PCCA: variants seen among roughly 807,000 people sequenced by gnomAD.
The protein encoded by PCCA is propionyl-CoA carboxylase alpha chain, mitochondrial.
In PCCA, 74 loss-of-function variants were observed where a neutral mutation model predicts 101.3. The ratio of observed to expected loss-of-function variants is 0.73; its 90% CI spans 0.61 to 0.89. PCCA has a LOEUF of 0.89. PCCA is among the 40% of genes least tolerant of loss of function. The pLI, the probability that PCCA is intolerant of heterozygous loss-of-function variation, is 0.00. For synonymous variants in PCCA, 294 were observed against 313.6 expected (o/e 0.94, Z 0.66); for missense variants, 891 against 907.0 (o/e 0.98, Z 0.23).
intron 12 of PCCA, among the ~76,000 whole-genome samples, chr13:100,298,236 A>G (rs1459258959): frequency 6.6e-6 from 1 of 152,168 alleles, no homozygotes; most frequent in Admixed American, 6.5e-5. Flanking sequence ...TGTTTCCAAA[A>G]GTGTGTTCCA....
intron 6 of PCCA, among the ~76,000 whole-genome samples, chr13:100,167,052 T>C (rs746893587): frequency 8.5e-5 from 13 of 152,180 alleles, no homozygotes; most frequent in Non-Finnish European, 1.5e-4. Flanking sequence ...TTAAATTGAG[T>C]TGCTTGTCTT....
chr13:100,358,690 A>G (rs2074208761), intron 18 of PCCA, among the ~76,000 whole-genome samples: 1 of 152,254 alleles, frequency 6.6e-6, no homozygotes, highest in African/African-American at 2.4e-5. Flanking sequence ...TGTTTAAAAA[A>G]TTGAAGAGAC....
intron 21 of PCCA, among the ~76,000 whole-genome samples, chr13:100,481,819 C>T (rs564022155): frequency 6.6e-5 from 10 of 152,178 alleles, no homozygotes; most frequent in Admixed American, 5.9e-4. Flanking sequence ...CATGGTTGAC[C>T]ACAGGTAAAT....
intron 19 of PCCA, among the ~76,000 whole-genome samples, chr13:100,405,682 C>A (rs1431181062): frequency 3.3e-5 from 5 of 152,086 alleles, no homozygotes; most frequent in Non-Finnish European, 5.9e-5. Context: ...GGCTTTCTAT[C>A]CTCAAATACT....
At chr13:100,401,617 C>T (rs2077370688) in intron 19 of PCCA, among the ~76,000 whole-genome samples, 2 of 151,978 alleles carry the variant, frequency 1.3e-5, no homozygotes, top group Non-Finnish European at 1.5e-5. Context: ...GTAGCTTGCT[C>T]ATTATTTTTT....
intron 4 of PCCA, among the ~76,000 whole-genome samples, chr13:100,121,033 A>G (rs973536679): frequency 3.9e-5 from 6 of 152,028 alleles, no homozygotes; most frequent in African/African-American, 9.7e-5. Flanking sequence ...TTTAATTTCA[A>G]TTTTTTAAAT....
chr13:100,118,883 A>G (rs547745268), intron 4 of PCCA, among the ~76,000 whole-genome samples: 1 of 150,948 alleles, frequency 6.6e-6, no homozygotes, highest in African/African-American at 2.5e-5. Flanking sequence ...TAATATCATA[A>G]CAAGAGGTTC....
At chr13:100,257,519 C>T in intron 8 of PCCA, 76 bp from the exon 9 acceptor site, 1 of 985,236 alleles carries the variant, frequency 1.0e-6, no homozygotes, top group Non-Finnish European at 1.6e-6. Flanking sequence ...CGTTATTGAA[C>T]ATGTGGTCAA....
At chr13:100,440,202 AT>A (rs2080261842) in intron 20 of PCCA, among the ~76,000 whole-genome samples, 20 of 106,538 alleles carry the variant, frequency 1.9e-4, no homozygotes, top group Non-Finnish European at 3.0e-4. Flanking sequence ...ATATATATAT[AT>A]ATATATAAAA....
chr13:100,497,206 G>A (rs2085337886), intron 21 of PCCA, among the ~76,000 whole-genome samples: 2 of 152,160 alleles, frequency 1.3e-5, no homozygotes, highest in Non-Finnish European at 2.9e-5. Context: ...TGGTTGCACT[G>A]GAAATTGGTT....
At chr13:100,130,388 AG>A (rs2050385236) in intron 4 of PCCA, among the ~76,000 whole-genome samples, 5 of 152,230 alleles carry the variant, frequency 3.3e-5, no homozygotes, top group Non-Finnish European at 7.3e-5. Context: ...TTTATATCTG[AG>A]TCATTCATCT....
chr13:100,144,112 A>G (rs2052244838), intron 4 of PCCA, among the ~76,000 whole-genome samples: 1 of 152,038 alleles, frequency 6.6e-6, no homozygotes, highest in African/African-American at 2.4e-5. Context: ...TTGGTGAAAA[A>G]TGACTGTGCT....
intron 5 of PCCA, among the ~76,000 whole-genome samples, chr13:100,155,947 G>A (rs972745432): frequency 6.6e-6 from 1 of 152,180 alleles, no homozygotes; most frequent in Non-Finnish European, 1.5e-5. Flanking sequence ...ACTATAGCTT[G>A]CCAAAATAAA....
chr13:100,439,100 G>A (rs909877476), intron 20 of PCCA, among the ~76,000 whole-genome samples: 7 of 152,134 alleles, frequency 4.6e-5, no homozygotes, highest in South Asian at 4.1e-4. Flanking sequence ...CAGTAGCTAC[G>A]TGTAGCTAGT....
rs557870851 is a variant in PCCA, at chr13:100,445,738, G to C, written c.1846-3514G>C. On this transcript the variant is annotated intron_variant, in intron 20 of 23. Coordinates refer to ENST00000376285, the MANE Select transcript of PCCA (RefSeq NM_000282.4). ...CGGGTTCATCCATGTTGTTGCAAAT[G>C]GTAGGATTTTCTTTTTTAAGTCTAA... 1.9e-4 allele frequency among the ~76,000 whole-genome samples: 29 copies of C among 151,546 alleles called. No individual in the cohort carries two copies. The South Asian group carries it at 5.8e-3, about 30-fold the overall frequency.
At chr13:100,123,639 G>A (rs2049657529) in intron 4 of PCCA, among the ~76,000 whole-genome samples, 1 of 151,412 alleles carries the variant, frequency 6.6e-6, no homozygotes, top group Non-Finnish European at 1.5e-5. Flanking sequence ...TAATGGGGGG[G>A]GATTGACAAA....
intron 19 of PCCA, among the ~76,000 whole-genome samples, chr13:100,422,772 A>AT (rs932312140): frequency 1.4e-5 from 2 of 143,888 alleles, no homozygotes; most frequent in African/African-American, 5.1e-5. Context: ...TTTTCTCTCC[A>AT]TTTTTTTTCT....
intron 4 of PCCA, among the ~76,000 whole-genome samples, chr13:100,136,585 G>A (rs1481242663): frequency 6.6e-6 from 1 of 152,144 alleles, no homozygotes; most frequent in African/African-American, 2.4e-5. Flanking sequence ...ATAGTTATTG[G>A]AGTATTCAGG....
chr13:100,409,446 G>A (rs1210416082), intron 19 of PCCA, among the ~76,000 whole-genome samples: 1 of 152,130 alleles, frequency 6.6e-6, no homozygotes, highest in East Asian at 1.9e-4. Flanking sequence ...GAAAAAAAGG[G>A]GGAACAGGGA....
Sources: gnomAD v4.1 joint callset for allele counts (sites outside exome capture counted in the v4.1 genomes callset) on GRCh38, gnomAD v4.1.1 for gene constraint, MANE v1.5 for transcripts, NCBI Gene and HGNC (gene_info 2026-07-23, HGNC 2026-07-21) for gene names.